Variants in CSGALNACT1 observed in about 807,000 individuals in gnomAD.
The protein encoded by CSGALNACT1 is beta4GalNAcT-1.
In CSGALNACT1, 52 loss-of-function variants were observed where a neutral mutation model predicts 51.0. The observed-to-expected ratio is 1.02, with a 90% CI of 0.82 to 1.29. The LOEUF is 1.29. CSGALNACT1 is among the 50% of genes most tolerant of loss of function. The pLI, the probability that CSGALNACT1 is intolerant of heterozygous loss-of-function variation, is 0.00. For synonymous variants in CSGALNACT1, 341 were observed against 254.4 expected (o/e 1.34, Z -3.24); for missense variants, 935 against 679.2 (o/e 1.38, Z -4.19).
intron 1 of CSGALNACT1, among the ~76,000 whole-genome samples, chr8:19,714,738 CT>C (rs1428309612): frequency 1.4e-5 from 2 of 147,540 alleles, no homozygotes; most frequent in Admixed American, 1.4e-4. Flanking sequence ...CCGATGACTG[CT>C]TTGTCTCCTG....
chr8:19,752,081 ATG>A (rs1172606190), intron 1 of CSGALNACT1, among the ~76,000 whole-genome samples: 4 of 147,566 alleles, frequency 2.7e-5, no homozygotes, highest in African/African-American at 9.9e-5. Flanking sequence ...TGATATGATG[ATG>A]ATGATAAATG....
chr8:19,424,739 A>G lies in CSGALNACT1; in HGVS notation c.954-4221T>C, dbSNP rs138383200. On this transcript the variant is annotated intron_variant, in intron 6 of 9. Coordinates refer to ENST00000454498, the Ensembl canonical transcript of CSGALNACT1. ...CACTAGACTAGAGTGCCCCCTGCTC[A>G]ACAGTGGATTGAAAGGCAGCAGAAC... Among the ~76,000 whole-genome samples, 198 of 152,324 alleles carry G rather than the reference A, an allele frequency of 1.3e-3. 2 individuals are homozygous for G. The highest frequency in any genetic ancestry group is 2.4e-3 in the Non-Finnish European group (160 of 68,020).
At chr8:19,550,089 T>C (rs891908847) in intron 3 of CSGALNACT1, among the ~76,000 whole-genome samples, 5 of 152,198 alleles carry the variant, frequency 3.3e-5, no homozygotes, top group African/African-American at 9.6e-5. Flanking sequence ...TTCAATTCTG[T>C]AGCATTTTTG....
chr8:19,625,064 T>C (rs574154864), intron 1 of CSGALNACT1, among the ~76,000 whole-genome samples: 56 of 152,320 alleles, frequency 3.7e-4, no homozygotes, highest in African/African-American at 1.2e-3. Context: ...AATCAACGAC[T>C]GAACCATCTC....
At chr8:19,602,566 C>CACGACACCCAAGGAG (rs1186493749), upstream of CSGALNACT1, 1 of 152,172 alleles carries the variant, frequency 6.6e-6, no homozygotes, top group Non-Finnish European at 1.5e-5. Flanking sequence ...TCCCAGGGAA[C>CACGACACCCAAGGAG]ACGACACCCA....
At chr8:19,410,905 G>A (rs576004361) in intron 8 of CSGALNACT1, among the ~76,000 whole-genome samples, 21 of 152,306 alleles carry the variant, frequency 1.4e-4, no homozygotes, top group Non-Finnish European at 7.4e-5. Context: ...GTGCTGGGTC[G>A]CTAACTGGAA....
chr8:19,524,519 G>A (rs1003967525), intron 3 of CSGALNACT1, among the ~76,000 whole-genome samples: 3 of 151,988 alleles, frequency 2.0e-5, no homozygotes, highest in Admixed American at 1.3e-4. Context: ...AAAATACAAT[G>A]AGCCTTGTCA....
At chr8:19,555,119 G>A (rs1348093109) in intron 3 of CSGALNACT1, among the ~76,000 whole-genome samples, 3 of 151,672 alleles carry the variant, frequency 2.0e-5, no homozygotes, top group Admixed American at 6.6e-5. Flanking sequence ...AGCGCCTGTA[G>A]TTCCCACTAG....
chr8:19,596,580 C>A, intron 2 of CSGALNACT1, among the ~76,000 whole-genome samples: 1 of 150,540 alleles, frequency 6.6e-6, no homozygotes, highest in Non-Finnish European at 1.5e-5. Flanking sequence ...CAAATATAGG[C>A]CACAAATTGT....
rs547411281 is a variant in CSGALNACT1 at position 19,500,847 on chromosome 8, A to G, written c.634+4354T>C. ...AAAGAACAGAAATTTATTTTCTCAC[A>G]ATTACGGAGGCCGGGAAGTCCAAGA... On this transcript the variant is annotated intron_variant, in intron 4 of 9. Coordinates refer to ENST00000454498, the Ensembl canonical transcript of CSGALNACT1. Among the ~76,000 whole-genome samples, 21 of 152,330 alleles carry G rather than the reference A, an allele frequency of 1.4e-4. 1 individual carries two copies. The South Asian group carries it at 4.3e-3, about 32-fold the overall frequency.
At chr8:19,728,300 G>GT (rs1253222691) in intron 1 of CSGALNACT1, among the ~76,000 whole-genome samples, 1 of 152,152 alleles carries the variant, frequency 6.6e-6, no homozygotes, top group Non-Finnish European at 1.5e-5. Flanking sequence ...CACAGCCACG[G>GT]TTTAACAATT....
chr8:19,486,055 C>T (rs777052607), intron 4 of CSGALNACT1, among the ~76,000 whole-genome samples: 1 of 151,458 alleles, frequency 6.6e-6, no homozygotes, highest in South Asian at 2.1e-4. Flanking sequence ...CGTGAGCCAC[C>T]GTACTCAGCT....
At chr8:19,650,473 G>A (rs1046305708) in intron 1 of CSGALNACT1, among the ~76,000 whole-genome samples, 5 of 152,210 alleles carry the variant, frequency 3.3e-5, no homozygotes, top group Non-Finnish European at 7.3e-5. Context: ...TTATGCATAA[G>A]TGAGCAATAG....
At chr8:19,446,275 G>A (rs968719441) in intron 5 of CSGALNACT1, among the ~76,000 whole-genome samples, 17 of 152,094 alleles carry the variant, frequency 1.1e-4, no homozygotes, top group Non-Finnish European at 2.4e-4. Context: ...ATTCATACCT[G>A]GACACATGGT....
chr8:19,486,036 G>C (rs2072842661), intron 4 of CSGALNACT1, among the ~76,000 whole-genome samples: 1 of 151,280 alleles, frequency 6.6e-6, no homozygotes, highest in African/African-American at 2.4e-5. Flanking sequence ...GAAGTGCTGG[G>C]ATTACAGGCG....
chr8:19,552,723 T>C (rs1372421117), intron 3 of CSGALNACT1, among the ~76,000 whole-genome samples: 2 of 152,196 alleles, frequency 1.3e-5, no homozygotes, highest in East Asian at 1.9e-4. Flanking sequence ...TTGCAACAGA[T>C]TGCACTGTTA....
chr8:19,427,643 C>T (rs746441559), intron 6 of CSGALNACT1, among the ~76,000 whole-genome samples: 2 of 152,096 alleles, frequency 1.3e-5, no homozygotes, highest in Non-Finnish European at 2.9e-5. Flanking sequence ...AAAAAATTAG[C>T]CAGGCATGGT....
chr8:19,530,828 GAA>G lies in CSGALNACT1; in HGVS notation c.-296-24700_-296-24699del, dbSNP rs2082628728. Among the ~76,000 whole-genome samples the G allele has an allele frequency of 2.6e-5, 4 of 152,142 alleles. No homozygotes were observed. In the South Asian group the frequency reaches 8.3e-4, roughly 31 times the overall value. The stretch of plus-strand genomic sequence containing the variant: ...TTCTAATGAGAAAGGGACTGGTGAG[GAA>G]AAAAGAGTCACACGAAATGAGCAAC... On this transcript the variant is annotated intron_variant, in intron 3 of 9. Transcript: ENST00000454498.
chr8:19,525,133 A>AAT (rs1211041002), intron 3 of CSGALNACT1, among the ~76,000 whole-genome samples: 17 of 152,200 alleles, frequency 1.1e-4, no homozygotes, highest in Admixed American at 8.5e-4. Context: ...TTCTTTGTCC[A>AAT]ATATATATCT....
Sources: allele counts gnomAD v4.1 joint callset (sites outside exome capture counted in the v4.1 genomes callset), GRCh38; gene constraint gnomAD v4.1.1; transcripts MANE v1.5; gene names NCBI Gene and HGNC (gene_info 2026-07-23, HGNC 2026-07-21).